Variants in HERC6 observed in about 807,000 individuals in gnomAD.
HERC6 encodes HECT and RLD domain containing E3 ubiquitin protein ligase family member 6.
Under a neutral mutation model 114.5 loss-of-function variants are expected in HERC6, and 101 were observed. That is an observed-to-expected ratio of 0.88 (90% CI 0.75 to 1.04). The LOEUF is 1.04. Ranked by LOEUF, HERC6 falls within the 50% of genes least tolerant of loss-of-function variation. HERC6 has a pLI of 0.00. For missense variants in HERC6, 1,133 were observed against 1,230.9 expected, an observed-to-expected ratio of 0.92 and a Z score of 1.19; for synonymous variants, 408 against 436.2, an observed-to-expected ratio of 0.94 and a Z score of 0.81.
chr4:88,378,894 G>T lies in HERC6; in HGVS notation c.-28G>T. 1.3e-6 allele frequency: 2 copies of T among 1,548,612 alleles called. No homozygotes were observed. The highest frequency in any genetic ancestry group is 2.4e-5 in the East Asian group (1 of 42,088). On this transcript the variant is annotated 5_prime_UTR_variant, in exon 1 of 23. Transcript: ENST00000264346. ...TGTCGCAGCGGGACCGACGGAATCC[G>T]GAGCAGGCGACAGGGCGCAGAAGCG... is the stretch of plus-strand genomic sequence containing the variant.
chr4:88,426,023 T>C (rs1737568083), intron 15 of HERC6, among the ~76,000 whole-genome samples: 1 of 152,204 alleles, frequency 6.6e-6, no homozygotes, highest in Non-Finnish European at 1.5e-5. Flanking sequence ...TATACCCCGC[T>C]AATTACATGG....
intron 10 of HERC6, among the ~76,000 whole-genome samples, chr4:88,406,652 A>T (rs1735825776): frequency 6.6e-6 from 1 of 152,228 alleles, no homozygotes; most frequent in Non-Finnish European, 1.5e-5. Context: ...TTAAGGGGGA[A>T]ATTTATAATA....
intron 17 of HERC6, among the ~76,000 whole-genome samples, chr4:88,431,751 T>C (rs1738242637): frequency 6.6e-6 from 1 of 152,346 alleles, no homozygotes; most frequent in African/African-American, 2.4e-5. Flanking sequence ...CTAATTTTTG[T>C]ATTTTTAGTA....
At chr4:88,398,017 T>C (rs562244453) in intron 7 of HERC6, 125 bp from the exon 8 acceptor site, 1 of 577,322 alleles carries the variant, frequency 1.7e-6, no homozygotes, top group African/African-American at 2.0e-5. Context: ...TTTATGCATT[T>C]GTAGTCAAAA....
chr4:88,394,256 C>T (rs191685039), intron 5 of HERC6, among the ~76,000 whole-genome samples: 300 of 151,870 alleles, frequency 2.0e-3, no homozygotes, highest in African/African-American at 6.1e-3. Flanking sequence ...GGGCAGATCA[C>T]GAGGTCAGGA....
At chr4:88,406,072 A>G (rs1735800642) in intron 10 of HERC6, among the ~76,000 whole-genome samples, 1 of 152,252 alleles carries the variant, frequency 6.6e-6, no homozygotes, top group South Asian at 2.1e-4. Context: ...CTGATCCAAT[A>G]GTTGAAACAG....
At chr4:88,380,953 T>A (rs1289748005) in intron 1 of HERC6, among the ~76,000 whole-genome samples, 1 of 152,096 alleles carries the variant, frequency 6.6e-6, no homozygotes, top group African/African-American at 2.4e-5. Context: ...CTGTACATTG[T>A]GTTTTCATCA....
chr4:88,381,554 CT>C (rs142058374), intron 1 of HERC6, among the ~76,000 whole-genome samples: 5,697 of 95,734 alleles, frequency 0.06, 158 homozygotes, highest in East Asian at 0.19. Context: ...CCCTTCTCTT[CT>C]TTTTTTTTTT....
intron 15 of HERC6, 90 bp from the exon 16 acceptor site, chr4:88,428,490 T>A (rs561638891): frequency 1.8e-4 from 177 of 976,872 alleles, no homozygotes; most frequent in Non-Finnish European, 2.6e-4. Context: ...AAGTATATAC[T>A]ACACAAAATG....
At chr4:88,401,782 A>G (rs1735559324) in intron 8 of HERC6, among the ~76,000 whole-genome samples, 1 of 152,198 alleles carries the variant, frequency 6.6e-6, no homozygotes, top group Non-Finnish European at 1.5e-5. Context: ...AAGGGTTGTG[A>G]TAGTTGTCTT....
intron 16 of HERC6, among the ~76,000 whole-genome samples, chr4:88,430,732 A>G (rs1164510771): frequency 6.6e-6 from 1 of 152,206 alleles, no homozygotes; most frequent in African/African-American, 2.4e-5. Context: ...AAGCCCAAAT[A>G]AGAGTAGAGA....
chr4:88,380,493 C>T (rs1016782223), intron 1 of HERC6, among the ~76,000 whole-genome samples: 7 of 134,592 alleles, frequency 5.2e-5, no homozygotes, highest in South Asian at 2.2e-4. Flanking sequence ...CCGAGGCGGG[C>T]GGAGCACGAG....
chr4:88,418,291 A>C (rs558326916), intron 13 of HERC6, among the ~76,000 whole-genome samples: 1 of 152,276 alleles, frequency 6.6e-6, no homozygotes, highest in African/African-American at 2.4e-5. Context: ...GCACTTAGTC[A>C]ATGTATGTTG....
intron 10 of HERC6, among the ~76,000 whole-genome samples, chr4:88,408,052 G>C (rs150741616): frequency 6.6e-6 from 1 of 152,230 alleles, no homozygotes; most frequent in Non-Finnish European, 1.5e-5. Flanking sequence ...CTCCATTGAA[G>C]AGTTAAATGG....
chr4:88,385,719 T>C (rs932395077), intron 3 of HERC6, 144 bp downstream of exon 3: 1 of 569,066 alleles, frequency 1.8e-6, no homozygotes, highest in East Asian at 3.2e-5. Context: ...TTCCTATTTT[T>C]TTCTCAAATT....
At chr4:88,434,777 A>C (rs529662707) in intron 17 of HERC6, among the ~76,000 whole-genome samples, 2 of 151,986 alleles carry the variant, frequency 1.3e-5, no homozygotes, top group East Asian at 1.9e-4. Context: ...AAAAAAAAAA[A>C]AAACCAAAAC....
At chr4:88,382,364 A>G (rs1047383246) in intron 1 of HERC6, among the ~76,000 whole-genome samples, 2 of 152,020 alleles carry the variant, frequency 1.3e-5, no homozygotes, top group African/African-American at 4.8e-5. Context: ...TTCACTTTTC[A>G]TTGTAAGAGG....
Position 88,442,725 on chromosome 4 carries a change from G to T in HERC6, c.*265G>T. On this transcript the variant is annotated 3_prime_UTR_variant, in exon 23 of 23. Coordinates refer to ENST00000264346, the MANE Select transcript of HERC6 (RefSeq NM_017912.4). ...AGAGTCTGAACACTGGCCTGTGATTGGTCCATTCCAGGACCTTCATTTGCA... is the reference window on the plus strand; with the variant it reads ...AGAGTCTGAACACTGGCCTGTGATTTGTCCATTCCAGGACCTTCATTTGCA... 8.1e-6 allele frequency: 4 copies of T among 493,930 alleles called. No individual in the cohort carries two copies. Among genetic ancestry groups the T allele is most frequent in the Middle Eastern group, 5.5e-4 (1 of 1,804 alleles). 30.6% of individuals were successfully genotyped at this position (493,930 alleles called of 1,614,324 possible).
At chr4:88,421,871 G>A (rs573536467) in intron 13 of HERC6, among the ~76,000 whole-genome samples, 2 of 152,292 alleles carry the variant, frequency 1.3e-5, no homozygotes, top group East Asian at 3.9e-4. Flanking sequence ...ATGATGTTGA[G>A]CAGTTCATAT....
Sources: allele counts gnomAD v4.1 joint callset (sites outside exome capture counted in the v4.1 genomes callset), GRCh38; gene constraint gnomAD v4.1.1; transcripts MANE v1.5; gene names NCBI Gene and HGNC (gene_info 2026-07-23, HGNC 2026-07-21).